Variants in CPVL observed in about 807,000 individuals in gnomAD.
CPVL encodes the protein carboxypeptidase vitellogenic like, also known as probable serine carboxypeptidase CPVL.
A neutral mutation model predicts 63.7 loss-of-function variants in CPVL; 51 were observed. The observed-to-expected ratio is 0.80, with a 90% confidence interval of 0.64 to 1.01. The LOEUF is 1.01. Ranked by LOEUF, CPVL falls within the 50% of genes least tolerant of loss-of-function variation. The pLI, the probability that CPVL is intolerant of heterozygous loss-of-function variation, is 0.00. For missense variants in CPVL, 530 were observed against 573.1 expected (o/e 0.92, Z 0.77); for synonymous variants, 195 against 206.0 (o/e 0.95, Z 0.46).
chr7:29,190,000 C>G (rs1344830071), intron 1 of CPVL, among the ~76,000 whole-genome samples: 1 of 152,210 alleles, frequency 6.6e-6, no homozygotes, highest in Non-Finnish European at 1.5e-5. Flanking sequence ...GAGGCAGGGC[C>G]GCTACCTGCG....
At chr7:28,998,357 C>T (rs983819771) in intron 12 of CPVL, among the ~76,000 whole-genome samples, 2 of 152,238 alleles carry the variant, frequency 1.3e-5, no homozygotes, top group African/African-American at 4.8e-5. Flanking sequence ...ACCAGTGCTG[C>T]AGCTAACAAA....
At chr7:29,080,917 G>T (rs1438494183) in intron 7 of CPVL, among the ~76,000 whole-genome samples, 1 of 152,220 alleles carries the variant, frequency 6.6e-6, no homozygotes, top group Non-Finnish European at 1.5e-5. Flanking sequence ...TATAAAGAGA[G>T]TCTGCCCGTT....
intron 11 of CPVL, among the ~76,000 whole-genome samples, chr7:29,058,225 G>T (rs1237971743): frequency 6.6e-6 from 1 of 152,014 alleles, no homozygotes; most frequent in Non-Finnish European, 1.5e-5. Context: ...TCCTAATATA[G>T]ATCTTATACA....
chr7:29,181,771 G>A (rs1309697766), intron 4 of CPVL, among the ~76,000 whole-genome samples: 3 of 152,002 alleles, frequency 2.0e-5, no homozygotes, highest in African/African-American at 4.8e-5. Flanking sequence ...TTTTTATATA[G>A]GTCCTAACAA....
chr7:29,016,143 G>A (rs1431750295), intron 12 of CPVL, among the ~76,000 whole-genome samples: 2 of 152,076 alleles, frequency 1.3e-5, no homozygotes, highest in African/African-American at 4.8e-5. Flanking sequence ...CTGAGGTCAC[G>A]AGTTCGAGAC....
chr7:29,126,132 T>A (rs1286288243), intron 1 of CPVL, among the ~76,000 whole-genome samples: 1 of 152,242 alleles, frequency 6.6e-6, no homozygotes, highest in Non-Finnish European at 1.5e-5. Context: ...TACTACATTT[T>A]ACTATTATCT....
chr7:29,051,328 G>A (rs1163349105), intron 11 of CPVL, among the ~76,000 whole-genome samples: 2 of 152,152 alleles, frequency 1.3e-5, no homozygotes, highest in African/African-American at 4.8e-5. Context: ...CACAGAGTGG[G>A]AGAAAATCTT....
At chr7:29,132,787 T>C (rs1172168296) in intron 1 of CPVL, among the ~76,000 whole-genome samples, 3 of 152,204 alleles carry the variant, frequency 2.0e-5, no homozygotes, top group East Asian at 3.8e-4. Flanking sequence ...GCCTCAAAAA[T>C]GGAATTTAGG....
intron 12 of CPVL, among the ~76,000 whole-genome samples, chr7:29,029,364 T>A (rs1787798629): frequency 6.6e-6 from 1 of 152,240 alleles, no homozygotes; most frequent in South Asian, 2.1e-4. Context: ...ATGTTTATCA[T>A]AGTACTATTC....
At chr7:29,178,652 G>C (rs934495365) in intron 5 of CPVL, among the ~76,000 whole-genome samples, 42 of 152,242 alleles carry the variant, frequency 2.8e-4, no homozygotes, top group African/African-American at 9.9e-4. Context: ...CAGGGACTTT[G>C]TTTATTGTTA....
intron 3 of CPVL, among the ~76,000 whole-genome samples, chr7:29,112,360 C>T (rs554348438): frequency 1.6e-4 from 25 of 152,284 alleles, no homozygotes; most frequent in African/African-American, 5.8e-4. Context: ...CCTCCTTGGG[C>T]TCCCCTGACC....
intron 5 of CPVL, among the ~76,000 whole-genome samples, chr7:29,165,317 T>C (rs1242238651): frequency 6.6e-6 from 1 of 152,222 alleles, no homozygotes; most frequent in African/African-American, 2.4e-5. Context: ...TTTATTGCAA[T>C]TTTGGATTGA....
intron 7 of CPVL, among the ~76,000 whole-genome samples, chr7:29,078,207 CAT>C (rs1213031193): frequency 3.9e-5 from 6 of 152,104 alleles, no homozygotes; most frequent in African/African-American, 1.2e-4. Flanking sequence ...CAGGCATAGA[CAT>C]ATAGCAAAAA....
intron 5 of CPVL, among the ~76,000 whole-genome samples, chr7:29,165,170 T>A (rs2128716938): frequency 6.6e-6 from 1 of 152,268 alleles, no homozygotes; most frequent in African/African-American, 2.4e-5. Context: ...ATAATATAGT[T>A]TTTGATTTAT....
At chr7:29,159,246 G>T (rs1441130449) in intron 5 of CPVL, among the ~76,000 whole-genome samples, 3 of 152,158 alleles carry the variant, frequency 2.0e-5, no homozygotes, top group Non-Finnish European at 4.4e-5. Flanking sequence ...TCTTCCACTT[G>T]CAGAAGAGGA....
intron 1 of CPVL, chr7:29,125,096 C>T (rs1299871577): frequency 3.3e-5 from 5 of 152,114 alleles, no homozygotes; most frequent in Non-Finnish European, 7.3e-5. Context: ...ATGTGAGATG[C>T]TATTATAATA....
chr7:29,029,700 A>G (rs1348774740), intron 12 of CPVL, among the ~76,000 whole-genome samples: 2 of 152,198 alleles, frequency 1.3e-5, no homozygotes, highest in Non-Finnish European at 2.9e-5. Flanking sequence ...GGGTGCAGAC[A>G]GTTAGATAGA....
chr7:29,168,617 T>G (rs1024207840), intron 5 of CPVL, among the ~76,000 whole-genome samples: 1 of 152,298 alleles, frequency 6.6e-6, no homozygotes, highest in Non-Finnish European at 1.5e-5. Context: ...TATGTGAGGG[T>G]CTCTGTTCCA....
intron 2 of CPVL, among the ~76,000 whole-genome samples, chr7:29,114,774 TC>T (rs1788610013): frequency 6.6e-6 from 1 of 152,164 alleles, no homozygotes; most frequent in African/African-American, 2.4e-5. Context: ...CTTCAGTTTC[TC>T]CTCTATGGAA....
Sources: allele counts gnomAD v4.1 joint callset (sites outside exome capture counted in the v4.1 genomes callset), GRCh38; gene constraint gnomAD v4.1.1; transcripts MANE v1.5; gene names NCBI Gene and HGNC (gene_info 2026-07-23, HGNC 2026-07-21).